Variants in ARHGEF28 observed in about 807,000 individuals in gnomAD.
ARHGEF28 encodes 190 kDa guanine nucleotide exchange factor.
In ARHGEF28, 152 loss-of-function variants were observed where a neutral mutation model predicts 206.6. That is an observed-to-expected ratio of 0.74 (90% CI 0.64 to 0.84). The LOEUF is 0.84. Ranked by LOEUF, ARHGEF28 falls within the 40% of genes least tolerant of loss-of-function variation. ARHGEF28 has a pLI of 0.00. For missense variants in ARHGEF28, 2,028 were observed against 2,073.2 expected (o/e 0.98, Z 0.42); for synonymous variants, 763 against 776.4 (o/e 0.98, Z 0.29).
At position 73,891,964 on chromosome 5, in the gene ARHGEF28, G is replaced by T. The variant is rs548835135; in HGVS notation, c.3388-88G>T. On this transcript the variant is annotated intron_variant, in intron 26 of 35. Transcript: ENST00000513042. Reference sequence around the variant, plus strand: ...TTGGAAGTGGAGAAAGGTTTACCTAGTACTCTTGCTTCCTTTAGCTCATGT... The same window carrying T: ...TTGGAAGTGGAGAAAGGTTTACCTATTACTCTTGCTTCCTTTAGCTCATGT... The T allele has an allele frequency of 1.1e-5, 13 of 1,236,196 alleles. No homozygotes were observed. The Admixed American group carries it at 1.4e-4, about 13-fold the overall frequency. 76.6% of individuals were successfully genotyped at this position (1,236,196 alleles called of 1,614,324 possible).
At chr5:73,810,010 C>T (rs1424784882) in intron 9 of ARHGEF28, among the ~76,000 whole-genome samples, 1 of 151,870 alleles carries the variant, frequency 6.6e-6, no homozygotes, top group Non-Finnish European at 1.5e-5. Flanking sequence ...TGATAAACTA[C>T]AGAAAAAAAA....
In ARHGEF28 at chr5:73,903,992, T is replaced by C; in HGVS notation, c.4075-230T>C. On this transcript the variant is annotated intron_variant, in intron 31 of 35. Coordinates refer to ENST00000513042, the MANE Select transcript of ARHGEF28 (RefSeq NM_001177693.2). ...GTTTTAAGGGGTGATTGGGTGAAAATTGCCATCCATCTCAAACATCGACTT... is the reference window on the plus strand; with the variant it reads ...GTTTTAAGGGGTGATTGGGTGAAAACTGCCATCCATCTCAAACATCGACTT... The C allele has an allele frequency of 5.6e-6, 3 of 540,462 alleles. No individual in the cohort carries two copies. The South Asian group carries it at 8.0e-5, about 14-fold the overall frequency. 33.5% of individuals were successfully genotyped at this position (540,462 alleles called of 1,614,324 possible). A position where few individuals can be genotyped will look rare whatever the true frequency, so the allele number is the denominator to read the frequency against.
chr5:73,699,481 T>C (rs1580498502), intron 2 of ARHGEF28, among the ~76,000 whole-genome samples: 1 of 152,296 alleles, frequency 6.6e-6, no homozygotes, highest in African/African-American at 2.4e-5. Flanking sequence ...GTATACACCA[T>C]GTCAAAGACT....
Position 73,941,144 on chromosome 5 carries a change from A to C in ARHGEF28, c.*131A>C, listed in dbSNP as rs1306729789. ...AAGAATAATATTTAATATTTCCTGG[A>C]AGCTCATTTTTTTGGCATGAGTCTA... On this transcript the variant is annotated 3_prime_UTR_variant, in exon 36 of 36. Transcript: ENST00000513042. 10 of 966,194 alleles carry C rather than the reference A, an allele frequency of 1.0e-5. 1 individual carries two copies. Among genetic ancestry groups the C allele is most frequent in the Non-Finnish European group, 1.4e-5 (10 of 735,776 alleles). 59.9% of individuals were successfully genotyped at this position (966,194 alleles called of 1,614,324 possible).
intron 9 of ARHGEF28, chr5:73,827,917 C>T (rs1757013586): frequency 6.6e-6 from 1 of 152,074 alleles, no homozygotes; most frequent in Admixed American, 6.6e-5. Flanking sequence ...AACTTTTTCA[C>T]TTAATTTGTT....
intron 21 of ARHGEF28, among the ~76,000 whole-genome samples, chr5:73,871,978 A>T (rs1261861876): frequency 6.6e-6 from 1 of 152,124 alleles, no homozygotes; most frequent in Non-Finnish European, 1.5e-5. Flanking sequence ...TTGTTTTCCT[A>T]ATCATCAATT....
intron 2 of ARHGEF28, among the ~76,000 whole-genome samples, chr5:73,733,944 C>T (rs575441596): frequency 5.6e-4 from 85 of 152,102 alleles, no homozygotes; most frequent in African/African-American, 2.0e-3. Flanking sequence ...ATGGCCAGAG[C>T]AGGAACAAGA....
At chr5:73,904,308 G>A (rs781518137) in intron 32 of ARHGEF28, 48 bp downstream of exon 32, 2 of 1,612,840 alleles carry the variant, frequency 1.2e-6, no homozygotes, top group Admixed American at 1.7e-5. Context: ...TTTATTTGTG[G>A]ATAATGAAAG....
At chr5:73,846,168 C>A in intron 11 of ARHGEF28, 100 bp from the exon 12 acceptor site, 1 of 1,094,314 alleles carries the variant, frequency 9.1e-7, no homozygotes, top group Non-Finnish European at 1.3e-6. Context: ...ATTGCACCCC[C>A]CCCGCCCCAG....
At chr5:73,635,590 G>A (rs900805027) in intron 1 of ARHGEF28, among the ~76,000 whole-genome samples, 1 of 152,140 alleles carries the variant, frequency 6.6e-6, no homozygotes, top group African/African-American at 2.4e-5. Flanking sequence ...ATTTGGATAT[G>A]GTAGTGTAGT....
chr5:73,667,663 C>T (rs1369345850), intron 1 of ARHGEF28, among the ~76,000 whole-genome samples: 1 of 152,194 alleles, frequency 6.6e-6, no homozygotes, highest in African/African-American at 2.4e-5. Flanking sequence ...CTCTTCTTTA[C>T]ATGGCTGGGC....
chr5:73,660,289 C>G (rs1561315579), intron 1 of ARHGEF28, among the ~76,000 whole-genome samples: 1 of 152,208 alleles, frequency 6.6e-6, no homozygotes, highest in Non-Finnish European at 1.5e-5. Flanking sequence ...CAAGTTTGAT[C>G]ATGAGATTGC....
intron 1 of ARHGEF28, among the ~76,000 whole-genome samples, chr5:73,673,784 A>G (rs1195916235): frequency 6.6e-6 from 1 of 152,162 alleles, no homozygotes; most frequent in African/African-American, 2.4e-5. Context: ...CTTAATCGTC[A>G]CAACAGTCTT....
intron 7 of ARHGEF28, among the ~76,000 whole-genome samples, chr5:73,788,338 A>C (rs1754280266): frequency 6.6e-6 from 1 of 152,178 alleles, no homozygotes; most frequent in Non-Finnish European, 1.5e-5. Context: ...TTCAATTTAA[A>C]AATGCAGTTA....
intron 35 of ARHGEF28, among the ~76,000 whole-genome samples, chr5:73,935,696 C>A (rs639676): frequency 0.47 from 71,648 of 151,916 alleles, 17,248 homozygotes; most frequent in Non-Finnish European, 0.52. Flanking sequence ...AATGATAAAG[C>A]CCCCCGCCTT....
At chr5:73,921,082 A>T (rs1440206904) in intron 35 of ARHGEF28, among the ~76,000 whole-genome samples, 1 of 152,170 alleles carries the variant, frequency 6.6e-6, no homozygotes, top group Admixed American at 6.5e-5. Context: ...AGTTCAGTGC[A>T]TCTCCCCAGG....
intron 4 of ARHGEF28, 23 bp from the exon 5 acceptor site, chr5:73,773,832 G>A (rs1333891148): frequency 1.3e-6 from 2 of 1,560,958 alleles, no homozygotes; most frequent in African/African-American, 1.4e-5. Flanking sequence ...GAACTAATAT[G>A]GTATGTGTTT....
rs1561417075 is a variant in ARHGEF28, at chr5:73,806,280, CA to C, written c.1024+10890del. On this transcript the variant is annotated intron_variant, in intron 9 of 35. Coordinates refer to ENST00000513042, the MANE Select transcript of ARHGEF28 (RefSeq NM_001177693.2). ...TATATAGTATATATAGATATATATA[CA>C]TAGATAGTATATATAGTATAGTATA... Among the ~76,000 whole-genome samples the C allele has an allele frequency of 2.5e-3, 310 of 122,226 alleles. 2 individuals carry two copies. The highest frequency in any genetic ancestry group is 5.1e-3 in the African/African-American group (152 of 30,004). 80.2% of individuals were successfully genotyped at this position (122,226 alleles called of 152,430 possible).
chr5:73,793,167 G>A (rs1271829514), intron 7 of ARHGEF28, among the ~76,000 whole-genome samples: 1 of 152,316 alleles, frequency 6.6e-6, no homozygotes, highest in South Asian at 2.1e-4. Flanking sequence ...GCATGCAAAT[G>A]TAGTATTACT....
Sources: allele counts gnomAD v4.1 joint callset (sites outside exome capture counted in the v4.1 genomes callset), GRCh38; gene constraint gnomAD v4.1.1; transcripts MANE v1.5; gene names NCBI Gene and HGNC (gene_info 2026-07-23, HGNC 2026-07-21).